Variants in NUP155 observed in about 807,000 individuals in gnomAD.
The protein encoded by NUP155 is nuclear pore complex protein Nup155.
Under a neutral mutation model 180.4 loss-of-function variants are expected in NUP155, and 71 were observed. The observed-to-expected ratio is 0.39, with a 90% CI of 0.33 to 0.48. The LOEUF is 0.48. Ranked by LOEUF, NUP155 falls within the 20% of genes least tolerant of loss-of-function variation. The probability of loss-of-function intolerance (pLI) is 0.91; values close to 1 mark genes in which losing one functional copy is unlikely to be tolerated. For missense variants in NUP155, 1,553 were observed against 1,648.9 expected (o/e 0.94, Z 1.01); for synonymous variants, 582 against 559.5 (o/e 1.04, Z -0.57).
At chr5:37,302,000 T>C (rs1196248160) in intron 29 of NUP155, among the ~76,000 whole-genome samples, 1 of 152,136 alleles carries the variant, frequency 6.6e-6, no homozygotes, top group African/African-American at 2.4e-5. Context: ...AGAACTTGGG[T>C]TCCTAAATCA....
chr5:37,363,039 G>C (rs566204845), intron 3 of NUP155, among the ~76,000 whole-genome samples: 1 of 152,054 alleles, frequency 6.6e-6, no homozygotes, highest in Non-Finnish European at 1.5e-5. Context: ...CAGCTCCCGA[G>C]TGGCTGGGAC....
At chr5:37,343,941 T>C (rs973306222) in intron 9 of NUP155, among the ~76,000 whole-genome samples, 1 of 151,990 alleles carries the variant, frequency 6.6e-6, no homozygotes. Context: ...AGACATTTGG[T>C]TAAAATCACC....
In NUP155 at chr5:37,310,600, C is replaced by A. The variant is rs769407703; in HGVS notation, c.2580G>T (p.Gln860His). 1 of 1,613,520 alleles carries A rather than the reference C, an allele frequency of 6.2e-7. No individual in the cohort carries two copies. The highest frequency in any genetic ancestry group is 2.2e-5 in the East Asian group (1 of 44,804). Residue 860 changes from glutamine to histidine, a missense_variant, in exon 23 of 35, where the codon CAG becomes CAT. Gln to His is a conservative substitution (Grantham distance 24). Coordinates refer to ENST00000231498, the MANE Select transcript of NUP155 (RefSeq NM_153485.3). ...TGCTATATAGAAGTGGGCAGATATC[C>A]TGTAAATGTAAACTAATGCCATCAA... ...AAVDGISLHL[Q>H]DICPLLYSTD...
At chr5:37,335,637 A>G (rs1163691394) in intron 12 of NUP155, among the ~76,000 whole-genome samples, 14 of 152,164 alleles carry the variant, frequency 9.2e-5, no homozygotes, top group Admixed American at 9.2e-4. Context: ...GTTTTCTTAC[A>G]AACCATATAA....
chr5:37,332,466 C>T (rs1469471275), intron 13 of NUP155, among the ~76,000 whole-genome samples: 3 of 151,720 alleles, frequency 2.0e-5, no homozygotes, highest in East Asian at 1.9e-4. Context: ...TGACTACAGG[C>T]GCCCACCACC....
At chr5:37,333,685 A>C in intron 12 of NUP155, 52 bp from the exon 13 acceptor site, 2 of 1,383,274 alleles carry the variant, frequency 1.4e-6, no homozygotes, top group Non-Finnish European at 2.0e-6. Flanking sequence ...TACATAATGC[A>C]AAAGAAAAAA....
intron 20 of NUP155, among the ~76,000 whole-genome samples, chr5:37,320,509 T>C (rs1744179605): frequency 6.6e-6 from 1 of 151,958 alleles, no homozygotes; most frequent in South Asian, 2.1e-4. Flanking sequence ...AGAGAGAGAT[T>C]ACCTTGTGCA....
intron 12 of NUP155, among the ~76,000 whole-genome samples, chr5:37,337,528 GA>G (rs146842171): frequency 1.3e-5 from 2 of 149,918 alleles, no homozygotes; most frequent in South Asian, 2.1e-4. Flanking sequence ...CATGTTTTCA[GA>G]AAAAAAAAGA....
chr5:37,329,261 T>A lies in NUP155; in HGVS notation c.1742A>T (p.Gln581Leu). Residue 581 changes from glutamine to leucine, a missense_variant, in exon 16 of 35, where the codon CAG becomes CTG. Transcript: ENST00000231498. ...CGGAAGAGTGGTTGGAAATCTCATCTGTGCTTCACCACCATACCTATTTTT... is the reference window on the plus strand; with the variant it reads ...CGGAAGAGTGGTTGGAAATCTCATCAGTGCTTCACCACCATACCTATTTTT... ...RAFFRYGGEA[Q>L]MRFPTTLPPP... 2 of 1,613,830 alleles carry A rather than the reference T, an allele frequency of 1.2e-6. No homozygotes were observed. Among genetic ancestry groups the A allele is most frequent in the Non-Finnish European group, 8.5e-7 (1 of 1,179,764 alleles).
chr5:37,325,768 CAAAAAAAA>C, intron 19 of NUP155, 125 bp downstream of exon 19: 1 of 357,372 alleles, frequency 2.8e-6, no homozygotes, highest in Non-Finnish European at 4.8e-6. Context: ...GACTCTGTCT[CAAAAAAAA>C]AAAAAAAAAA....
intron 9 of NUP155, among the ~76,000 whole-genome samples, chr5:37,348,214 G>C (rs988546233): frequency 6.6e-6 from 1 of 152,114 alleles, no homozygotes. Context: ...TGTGGCAGGA[G>C]AATCAGTTGA....
chr5:37,318,151 C>A, intron 20 of NUP155, 66 bp from the exon 21 acceptor site: 1 of 906,878 alleles, frequency 1.1e-6, no homozygotes, highest in Admixed American at 1.7e-5. Flanking sequence ...ACATACAGTA[C>A]AATTCAAACA....
chr5:37,306,263 G>A (rs1428279935), intron 25 of NUP155, among the ~76,000 whole-genome samples: 1 of 151,910 alleles, frequency 6.6e-6, no homozygotes, highest in African/African-American at 2.4e-5. Context: ...AGCCGAGTGT[G>A]GTGACATGTG....
Position 37,365,711 on chromosome 5 carries a change from G to GGAAAAAAAAAAAAAAAAAAAAAAAAAA in NUP155, c.158-1328_158-1327insTTTTTTTTTTTTTTTTTTTTTTTTTTC, listed in dbSNP as rs1491216296. 8.8e-5 allele frequency among the ~76,000 whole-genome samples: 3 copies of GGAAAAAAAAAAAAAAAAAAAAAAAAAA among 34,004 alleles called. 1 individual carries two copies. The highest frequency in any genetic ancestry group is 1.6e-4 in the African/African-American group (1 of 6,306). 22.3% of individuals were successfully genotyped at this position (34,004 alleles called of 152,430 possible). A position where few individuals can be genotyped will look rare whatever the true frequency, so the allele number is the denominator to read the frequency against. ...TGACAGAGCAAGACTCTGTCTCGGG[G>GGAAAAAAAAAAAAAAAAAAAAAAAAAA]AGAAAAAAAAAAAAAAAAAAAAAAA... On this transcript the variant is annotated intron_variant, in intron 1 of 34. Transcript: ENST00000231498.
At chr5:37,368,042 A>G (rs1292739643) in intron 1 of NUP155, among the ~76,000 whole-genome samples, 1 of 151,884 alleles carries the variant, frequency 6.6e-6, no homozygotes. Context: ...CAGCCTCCCA[A>G]AGTGCTGGGA....
chr5:37,356,725 T>C (rs536016134), intron 4 of NUP155, among the ~76,000 whole-genome samples: 12 of 152,276 alleles, frequency 7.9e-5, no homozygotes, highest in African/African-American at 2.9e-4. Flanking sequence ...GATAAGAGAT[T>C]TGGCATTATG....
intron 3 of NUP155, among the ~76,000 whole-genome samples, chr5:37,359,566 C>T (rs1747064809): frequency 6.6e-6 from 1 of 152,110 alleles, no homozygotes; most frequent in Non-Finnish European, 1.5e-5. Context: ...AGGCAATTCC[C>T]CATATAATAA....
chr5:37,320,402 G>T (rs1744171180), intron 20 of NUP155, among the ~76,000 whole-genome samples: 1 of 152,180 alleles, frequency 6.6e-6, no homozygotes, highest in African/African-American at 2.4e-5. Flanking sequence ...GCTTGAACCC[G>T]GGAGGCGGAG....
chr5:37,362,923 T>C (rs770341908), intron 3 of NUP155, among the ~76,000 whole-genome samples: 3 of 152,190 alleles, frequency 2.0e-5, no homozygotes, highest in Non-Finnish European at 1.5e-5. Context: ...TTTGTTGTTG[T>C]TGTTTCTGAG....
Sources: allele counts gnomAD v4.1 joint callset (sites outside exome capture counted in the v4.1 genomes callset), GRCh38; gene constraint gnomAD v4.1.1; transcripts MANE v1.5; gene names NCBI Gene and HGNC (gene_info 2026-07-23, HGNC 2026-07-21).